GABRB2: variants seen among roughly 807,000 people sequenced by gnomAD.
GABRB2 encodes the protein gamma-aminobutyric acid receptor subunit beta-2.
Under a neutral mutation model 54.7 loss-of-function variants are expected in GABRB2, and 16 were observed. The observed-to-expected ratio is 0.29, with a 90% CI of 0.20 to 0.44. The LOEUF is 0.44. Ranked by LOEUF, GABRB2 falls within the 20% of genes least tolerant of loss-of-function variation. The probability of loss-of-function intolerance (pLI) is 1.00; values close to 1 mark genes in which losing one functional copy is unlikely to be tolerated. For synonymous variants in GABRB2, 244 were observed against 233.8 expected (o/e 1.04, Z -0.40); for missense variants, 355 against 644.0 (o/e 0.55, Z 4.86).
intron 7 of GABRB2, among the ~76,000 whole-genome samples, chr5:161,333,202 ATGGGATAT>A (rs1753903106): frequency 6.6e-6 from 1 of 152,206 alleles, no homozygotes; most frequent in South Asian, 2.1e-4. Context: ...CTTTGGAAAA[ATGGGATAT>A]TTGCAAATTT....
At chr5:161,515,964 G>A (rs1194171883) in intron 3 of GABRB2, among the ~76,000 whole-genome samples, 2 of 152,174 alleles carry the variant, frequency 1.3e-5, no homozygotes, top group African/African-American at 4.8e-5. Flanking sequence ...TTCCATGGCA[G>A]CTTTTCTGCC....
chr5:161,410,097 G>A (rs577517550), intron 5 of GABRB2, among the ~76,000 whole-genome samples: 2 of 152,198 alleles, frequency 1.3e-5, no homozygotes, highest in East Asian at 3.9e-4. Context: ...CAACAGTCCA[G>A]TTACTCATTA....
At chr5:161,410,630 C>T (rs1406466825) in intron 5 of GABRB2, among the ~76,000 whole-genome samples, 1 of 152,140 alleles carries the variant, frequency 6.6e-6, no homozygotes, top group Admixed American at 6.5e-5. Context: ...ACTCTGCCAC[C>T]TCCACCTATT....
intron 5 of GABRB2, among the ~76,000 whole-genome samples, chr5:161,389,571 A>AGTGTGTGT (rs10666283): frequency 5.3e-4 from 78 of 145,932 alleles, no homozygotes; most frequent in African/African-American, 1.9e-3. Context: ...ATGTTTGTGG[A>AGTGTGTGT]GTGTGTGTGT....
intron 3 of GABRB2, among the ~76,000 whole-genome samples, chr5:161,516,919 G>A (rs1051650639): frequency 6.6e-6 from 1 of 152,042 alleles, no homozygotes; most frequent in African/African-American, 2.4e-5. Flanking sequence ...CCCTTCAGAT[G>A]TCTCCCCTTT....
chr5:161,418,564 C>T (rs902976952), intron 4 of GABRB2, among the ~76,000 whole-genome samples: 1 of 152,190 alleles, frequency 6.6e-6, no homozygotes, highest in South Asian at 2.1e-4. Flanking sequence ...AAGAAAAACT[C>T]TTCTTGACCC....
intron 4 of GABRB2, among the ~76,000 whole-genome samples, chr5:161,421,376 A>T (rs1009418247): frequency 2.0e-5 from 3 of 152,110 alleles, no homozygotes; most frequent in Non-Finnish European, 2.9e-5. Flanking sequence ...TGACTTTTAT[A>T]TCCTCTCTTT....
intron 6 of GABRB2, 77 bp from the exon 7 acceptor site, chr5:161,334,981 G>A: frequency 1.4e-6 from 2 of 1,386,350 alleles, no homozygotes; most frequent in Non-Finnish European, 2.0e-6. Flanking sequence ...TGCATAAACA[G>A]TACCTCTTCT....
At chr5:161,542,366 G>C (rs1760847405) in intron 3 of GABRB2, among the ~76,000 whole-genome samples, 1 of 152,078 alleles carries the variant, frequency 6.6e-6, no homozygotes, top group African/African-American at 2.4e-5. Context: ...TTATAAAAAT[G>C]CAATGTTTGC....
intron 9 of GABRB2, among the ~76,000 whole-genome samples, chr5:161,303,596 GAAGAGTAAGATTT>G (rs1757599844): frequency 6.6e-6 from 1 of 152,138 alleles, no homozygotes; most frequent in South Asian, 2.1e-4. Context: ...AGTACAAAGA[GAAGAGTAAGATTT>G]TACTCTTCAA....
intron 4 of GABRB2, among the ~76,000 whole-genome samples, chr5:161,422,292 A>G (rs901680324): frequency 1.3e-5 from 2 of 152,144 alleles, no homozygotes; most frequent in African/African-American, 4.8e-5. Context: ...ATGTATATAT[A>G]GCTAATATAT....
At chr5:161,338,902 T>A (rs987457644) in intron 5 of GABRB2, among the ~76,000 whole-genome samples, 17 of 152,170 alleles carry the variant, frequency 1.1e-4, no homozygotes, top group African/African-American at 4.1e-4. Flanking sequence ...GCCCCTCGCT[T>A]CTGTATAAAA....
chr5:161,384,919 A>T (rs1026246171), intron 5 of GABRB2, among the ~76,000 whole-genome samples: 23 of 152,196 alleles, frequency 1.5e-4, no homozygotes, highest in African/African-American at 5.5e-4. Context: ...AGATGGGATT[A>T]TATAGTTACA....
rs547521959 is a variant in GABRB2, at chr5:161,459,550, A to G, written c.458+74T>C. On this transcript the variant is annotated intron_variant, in intron 4 of 9. Transcript: ENST00000393959. ...TGAAGAAAGATAAGGAAAATAGCAC[A>G]ATATTTCCATCCAATGAAAATTAAC... is the stretch of plus-strand genomic sequence containing the variant. 36 of 1,224,266 alleles carry G rather than the reference A, an allele frequency of 2.9e-5. 1 individual carries two copies. The South Asian group carries it at 4.2e-4, about 14-fold the overall frequency. The allele number at this position is 1,224,266 out of a possible 1,614,324, so 75.8% of individuals were successfully genotyped here. A position where few individuals can be genotyped will look rare whatever the true frequency, so the allele number is the denominator to read the frequency against.
chr5:161,363,995 C>T (rs1754903265), intron 5 of GABRB2, among the ~76,000 whole-genome samples: 1 of 152,148 alleles, frequency 6.6e-6, no homozygotes, highest in Non-Finnish European at 1.5e-5. Flanking sequence ...TTTCCTGTTT[C>T]ACATTTTATC....
intron 4 of GABRB2, among the ~76,000 whole-genome samples, chr5:161,413,144 T>C (rs529892557): frequency 6.6e-6 from 1 of 152,292 alleles, no homozygotes; most frequent in Non-Finnish European, 1.5e-5. Flanking sequence ...TATTTGCTGT[T>C]AAGGAACTCA....
intron 3 of GABRB2, among the ~76,000 whole-genome samples, chr5:161,516,114 C>A (rs983792031): frequency 6.6e-6 from 1 of 152,258 alleles, no homozygotes; most frequent in East Asian, 1.9e-4. Context: ...CCTTTATTTT[C>A]CTCAAATGCA....
intron 5 of GABRB2, among the ~76,000 whole-genome samples, chr5:161,374,237 C>T (rs1755219018): frequency 6.6e-6 from 1 of 152,180 alleles, no homozygotes; most frequent in Non-Finnish European, 1.5e-5. Flanking sequence ...AGCCACCACG[C>T]CTGGCCCCAG....
intron 4 of GABRB2, among the ~76,000 whole-genome samples, chr5:161,424,864 A>G (rs1055575456): frequency 6.6e-5 from 10 of 152,152 alleles, no homozygotes; most frequent in African/African-American, 2.4e-4. Flanking sequence ...ATTAAGACCA[A>G]TAATGATTCA....
Sources: allele counts gnomAD v4.1 joint callset (sites outside exome capture counted in the v4.1 genomes callset), GRCh38; gene constraint gnomAD v4.1.1; transcripts MANE v1.5; gene names NCBI Gene and HGNC (gene_info 2026-07-23, HGNC 2026-07-21).